The following SLC39A12 variants were observed in gnomAD, a reference collection of about 807,000 sequenced individuals.
SLC39A12 encodes zinc transporter ZIP12.
Under a neutral mutation model 71.1 loss-of-function variants are expected in SLC39A12, and 63 were observed. That is an observed-to-expected ratio of 0.89 (90% CI 0.72 to 1.09). The LOEUF (loss-of-function observed/expected upper bound fraction) is 1.09. SLC39A12 is among the 50% of genes least tolerant of loss of function. The pLI, the probability that SLC39A12 is intolerant of heterozygous loss-of-function variation, is 0.00. For synonymous variants in SLC39A12, 351 were observed against 301.3 expected, an observed-to-expected ratio of 1.16 and a Z score of -1.71; for missense variants, 892 against 812.6, an observed-to-expected ratio of 1.10 and a Z score of -1.19.
chr10:18,001,031 T>C (rs1243750885), intron 11 of SLC39A12, among the ~76,000 whole-genome samples: 1 of 152,094 alleles, frequency 6.6e-6, no homozygotes, highest in Non-Finnish European at 1.5e-5. Flanking sequence ...TCCTTTATGA[T>C]GTTTCCCAGG....
intron 6 of SLC39A12, among the ~76,000 whole-genome samples, chr10:17,983,021 T>C (rs892833462): frequency 2.7e-5 from 4 of 150,654 alleles, no homozygotes; most frequent in Non-Finnish European, 4.4e-5. Flanking sequence ...AAACCCCGTC[T>C]CTACTAAAAA....
intron 3 of SLC39A12, among the ~76,000 whole-genome samples, chr10:17,964,220 A>G (rs1406801796): frequency 1.3e-5 from 2 of 152,052 alleles, no homozygotes. Context: ...TGAAGTTCAA[A>G]CTCTGTTATT....
chr10:18,041,495 C>T (rs1589264634), intron 12 of SLC39A12, among the ~76,000 whole-genome samples: 1 of 132,424 alleles, frequency 7.6e-6, no homozygotes. Flanking sequence ...GACTCTGTCT[C>T]AAAAAAAAAA....
At chr10:18,012,376 G>A (rs962535582) in intron 12 of SLC39A12, among the ~76,000 whole-genome samples, 2 of 152,166 alleles carry the variant, frequency 1.3e-5, no homozygotes, top group South Asian at 2.1e-4. Flanking sequence ...CCAGAATGTT[G>A]TAGAAAGGGA....
intron 9 of SLC39A12, 38 bp from the exon 10 acceptor site, chr10:17,995,616 ATT>A: frequency 6.4e-7 from 1 of 1,571,326 alleles, no homozygotes; most frequent in African/African-American, 1.4e-5. Flanking sequence ...AATGATGGCC[ATT>A]ACTTATCTTT....
intron 12 of SLC39A12, among the ~76,000 whole-genome samples, chr10:18,040,964 T>C (rs116736136): frequency 0.012 from 1,786 of 152,096 alleles, 33 homozygotes; most frequent in African/African-American, 0.041. Context: ...TGACATCTAG[T>C]AGGAGCCATA....
chr10:18,033,382 G>GGT (rs1836906302), intron 12 of SLC39A12, among the ~76,000 whole-genome samples: 1 of 144,882 alleles, frequency 6.9e-6, no homozygotes, highest in South Asian at 2.1e-4. Context: ...GTCTTGGGAG[G>GGT]GTGTATGTGT....
At chr10:17,966,128 A>C (rs1443375106) in intron 4 of SLC39A12, among the ~76,000 whole-genome samples, 1 of 152,252 alleles carries the variant, frequency 6.6e-6, no homozygotes, top group African/African-American at 2.4e-5. Context: ...GTAATGTGAA[A>C]TAGCCATCCT....
chr10:17,952,635 G>A (rs1246339235), intron 1 of SLC39A12, among the ~76,000 whole-genome samples: 3 of 151,650 alleles, frequency 2.0e-5, no homozygotes, highest in Non-Finnish European at 2.9e-5. Context: ...CTACAGGCAC[G>A]TGCCACCATA....
intron 4 of SLC39A12, among the ~76,000 whole-genome samples, chr10:17,974,944 C>T (rs508196): frequency 0.41 from 62,555 of 151,954 alleles, 13,340 homozygotes; most frequent in East Asian, 0.59. Flanking sequence ...GGTGTTCTAC[C>T]GTATTGCAGC....
intron 12 of SLC39A12, among the ~76,000 whole-genome samples, chr10:18,025,726 T>G (rs1232161847): frequency 1.3e-5 from 2 of 152,208 alleles, no homozygotes; most frequent in Non-Finnish European, 2.9e-5. Flanking sequence ...CAGAATGATT[T>G]ATAATCCTTT....
Position 17,987,702 on chromosome 10 carries a change from TTTTAACCACTGGAGGTA to T in SLC39A12, c.1269+56_1269+72del, listed in dbSNP as rs1285113126. 3 of 1,591,954 alleles carry T rather than the reference TTTTAACCACTGGAGGTA, an allele frequency of 1.9e-6. No individual in the cohort carries two copies. In the Admixed American group the frequency reaches 5.1e-5, roughly 27 times the overall value. On this transcript the variant is annotated intron_variant, in intron 7 of 12. Transcript: ENST00000377369. Reference sequence around the variant, plus strand: ...TAAAGTTCACTTCATTGCTCTTCACTTTTAACCACTGGAGGTATTTATGCAAAATTTTACTGAGACTT... The same window carrying T: ...TAAAGTTCACTTCATTGCTCTTCACTTTTATGCAAAATTTTACTGAGACTT...
chr10:17,963,790 G>A lies in SLC39A12; in HGVS notation c.544-1693G>A, dbSNP rs570931640. On this transcript the variant is annotated intron_variant, in intron 3 of 12. Transcript: ENST00000377369. ...TGAATTTCCAGGTCTTGGTCTGCACGGGACCCAGCTTCCACAGATCAAGTC... is the reference window on the plus strand; with the variant it reads ...TGAATTTCCAGGTCTTGGTCTGCACAGGACCCAGCTTCCACAGATCAAGTC... 5.4e-4 allele frequency among the ~76,000 whole-genome samples: 82 copies of A among 152,232 alleles called. No homozygotes were observed. The South Asian group carries it at 8.1e-3, about 15-fold the overall frequency.
chr10:17,978,097 T>G, intron 5 of SLC39A12, 23 bp downstream of exon 5: 1 of 1,531,206 alleles, frequency 6.5e-7, no homozygotes, highest in Non-Finnish European at 8.7e-7. Context: ...TTTCTCTTAT[T>G]CAAGCATTTG....
intron 2 of SLC39A12, among the ~76,000 whole-genome samples, chr10:17,960,751 C>T (rs1554848298): frequency 6.6e-6 from 1 of 152,180 alleles, no homozygotes; most frequent in Non-Finnish European, 1.5e-5. Context: ...CTGTTGGGCA[C>T]TTGATTCGTG....
At chr10:17,969,148 T>A (rs1463357984) in intron 4 of SLC39A12, among the ~76,000 whole-genome samples, 1 of 152,178 alleles carries the variant, frequency 6.6e-6, no homozygotes, top group East Asian at 1.9e-4. Context: ...TGAATGGTAT[T>A]CCATTGTGTA....
At chr10:17,979,900 GAA>G (rs1835209241) in intron 5 of SLC39A12, among the ~76,000 whole-genome samples, 1 of 152,164 alleles carries the variant, frequency 6.6e-6, no homozygotes, top group Admixed American at 6.5e-5. Flanking sequence ...TTCTTGGAGT[GAA>G]AAGTCACTTT....
chr10:18,013,462 G>A (rs1427195395), intron 12 of SLC39A12, among the ~76,000 whole-genome samples: 2 of 151,416 alleles, frequency 1.3e-5, no homozygotes, highest in African/African-American at 2.4e-5. Context: ...TGATCTCCTA[G>A]GATCAAGTGA....
At chr10:18,022,994 C>G (rs1482385607) in intron 12 of SLC39A12, among the ~76,000 whole-genome samples, 2 of 152,142 alleles carry the variant, frequency 1.3e-5, no homozygotes, top group Non-Finnish European at 2.9e-5. Context: ...CACTTGGTTC[C>G]TCTGTATTTC....
Sources: gnomAD v4.1 joint callset for allele counts (sites outside exome capture counted in the v4.1 genomes callset) on GRCh38, gnomAD v4.1.1 for gene constraint, MANE v1.5 for transcripts, NCBI Gene and HGNC (gene_info 2026-07-23, HGNC 2026-07-21) for gene names.